AGXT2: variants seen among roughly 807,000 people sequenced by gnomAD.
The protein encoded by AGXT2 is alanine--glyoxylate aminotransferase 2.
AGXT2 carries 61 observed loss-of-function variants against 62.5 expected under a neutral mutation model. The ratio of observed to expected loss-of-function variants is 0.98; its 90% confidence interval spans 0.79 to 1.21. The LOEUF is 1.21. Ranked by LOEUF, AGXT2 falls within the 50% of genes most tolerant of loss-of-function variation. The pLI, the probability that AGXT2 is intolerant of heterozygous loss-of-function variation, is 0.00. For synonymous variants in AGXT2, 243 were observed against 218.7 expected (o/e 1.11, Z -0.98); for missense variants, 666 against 641.5 (o/e 1.04, Z -0.41).
Position 34,998,814 on chromosome 5 carries a change from C to T in AGXT2, c.1450G>A (p.Ala484Thr), listed in dbSNP as rs1357006279. The stretch of plus-strand genomic sequence containing the variant: ...GGTTTAGTGATGCACATTGAGGGCG[C>T]AATGCGAAATGTCTGAGGAGACACC... ...GSIFSQTFRI[A>T]PSMCITKPEV... The change falls in exon 14 of 14, where the codon GCG becomes ACG. Residue 484 changes from alanine (A) to threonine (T), a missense_variant. Ala to Thr is a moderately conservative substitution (Grantham distance 58, BLOSUM62 0). Coordinates refer to ENST00000231420, the MANE Select transcript of AGXT2 (RefSeq NM_031900.4). The T allele has an allele frequency of 6.2e-7, 1 of 1,613,186 alleles. No individual in the cohort carries two copies. Among genetic ancestry groups the T allele is most frequent in the Non-Finnish European group, 8.5e-7 (1 of 1,179,594 alleles).
intron 13 of AGXT2, among the ~76,000 whole-genome samples, chr5:35,002,382 A>C (rs1766260403): frequency 6.6e-6 from 1 of 152,202 alleles, no homozygotes; most frequent in Admixed American, 6.5e-5. Context: ...GCTTGGAGAA[A>C]CAAGCACACA....
chr5:35,039,401 C>T lies in AGXT2; in HGVS notation c.285G>A (p.Trp95Ter), dbSNP rs758171976. Residue 95 changes from tryptophan (W) to a stop codon, truncating the protein, a stop_gained, in exon 3 of 14, where the codon TGG becomes TGA. Coordinates refer to ENST00000231420, the MANE Select transcript of AGXT2 (RefSeq NM_031900.4). LOFTEE classifies it high-confidence loss of function. ...ATCTGCTTCCTTCAGCATCAAAGAG[C>T]CACTCCATGTGCCCCTGGTGGAGCA... ...PLLLHQGHME[W>*]LFDAEGSRYL... 4 of 1,614,158 alleles carry T rather than the reference C, an allele frequency of 2.5e-6. No individual in the cohort carries two copies. Among genetic ancestry groups the T allele is most frequent in the African/African-American group, 1.3e-5 (1 of 75,058 alleles).
At chr5:35,030,305 C>T (rs1767513154) in intron 7 of AGXT2, among the ~76,000 whole-genome samples, 1 of 152,112 alleles carries the variant, frequency 6.6e-6, no homozygotes, top group South Asian at 2.1e-4. Flanking sequence ...GTCAGGAGTT[C>T]GAGACCAGCC....
At chr5:35,036,122 G>A (rs1767761948) in intron 4 of AGXT2, among the ~76,000 whole-genome samples, 1 of 151,746 alleles carries the variant, frequency 6.6e-6, no homozygotes, top group Non-Finnish European at 1.5e-5. Flanking sequence ...AGCTCAGCCT[G>A]GACAAAAGAA....
rs530754667 is a variant in AGXT2 at position 35,009,421 on chromosome 5, C to T, written c.1338+579G>A. ...GACCAGCCTGGGCAATATGGCAAAA[C>T]CCCATTTCTACTAAAAATACAAAAA... On this transcript the variant is annotated intron_variant, in intron 12 of 13. Transcript: ENST00000231420. 5.3e-5 allele frequency among the ~76,000 whole-genome samples: 8 copies of T among 152,156 alleles called. No homozygotes were observed. In the East Asian group the frequency reaches 1.5e-3, roughly 29 times the overall value.
rs1255749919 is a variant in AGXT2 at position 35,045,764 on chromosome 5, C to CTT, written c.88+2039_88+2040dup. ...TGTGGTTTTTTTCTTTTTCTTTTTTCTTTTTTTTTTTTTTTTTTTTTGAGA... is the reference window on the plus strand; with the variant it reads ...TGTGGTTTTTTTCTTTTTCTTTTTTCTTTTTTTTTTTTTTTTTTTTTTTGAGA... On this transcript the variant is annotated intron_variant, in intron 1 of 13. Coordinates refer to ENST00000231420, the MANE Select transcript of AGXT2 (RefSeq NM_031900.4). 6.8e-3 allele frequency among the ~76,000 whole-genome samples: 677 copies of CTT among 99,016 alleles called. 19 individuals carry two copies. The highest frequency in any genetic ancestry group is 0.016 in the African/African-American group (435 of 27,254). The allele number at this position is 99,016 out of a possible 152,430, so 65.0% of individuals were successfully genotyped here.
chr5:35,038,745 T>C (rs1767873418), intron 3 of AGXT2, among the ~76,000 whole-genome samples: 1 of 152,198 alleles, frequency 6.6e-6, no homozygotes, highest in Non-Finnish European at 1.5e-5. Context: ...ATGAGAGCAC[T>C]GCATGGAAAC....
intron 7 of AGXT2, among the ~76,000 whole-genome samples, chr5:35,032,237 C>G (rs142260628): frequency 2.6e-5 from 4 of 151,954 alleles, no homozygotes; most frequent in African/African-American, 9.7e-5. Flanking sequence ...TAGCTGTCAG[C>G]CACCATGCCC....
intron 7 of AGXT2, among the ~76,000 whole-genome samples, chr5:35,031,943 CTTTTTT>C (rs35937337): frequency 2.8e-5 from 3 of 108,472 alleles, no homozygotes; most frequent in African/African-American, 1.1e-4. Flanking sequence ...TGGGATCTTG[CTTTTTT>C]TTTTTTTTTT....
chr5:35,023,291 G>C (rs1251652661), intron 9 of AGXT2, among the ~76,000 whole-genome samples: 2 of 152,068 alleles, frequency 1.3e-5, no homozygotes, highest in Non-Finnish European at 2.9e-5. Flanking sequence ...AGCAGCAACA[G>C]GGCATACTAT....
rs185566514 is a variant in AGXT2, at chr5:35,032,395, G to A, written c.769+337C>T. ...GGCATGCCACCACGCCCAGCTTGTTGTCTTTTAAAATTGACACCAGAGCTA... is the reference window on the plus strand; with the variant it reads ...GGCATGCCACCACGCCCAGCTTGTTATCTTTTAAAATTGACACCAGAGCTA... On this transcript the variant is annotated intron_variant, in intron 7 of 13. Transcript: ENST00000231420. Among the ~76,000 whole-genome samples the A allele has an allele frequency of 1.3e-4, 20 of 152,282 alleles. No homozygotes were observed. The East Asian group carries it at 3.5e-3, about 26-fold the overall frequency.
At chr5:35,025,390 A>G (rs1767294850) in intron 9 of AGXT2, among the ~76,000 whole-genome samples, 3 of 152,204 alleles carry the variant, frequency 2.0e-5, no homozygotes, top group African/African-American at 7.2e-5. Flanking sequence ...ATAACCAAAC[A>G]AATAAAAACA....
intron 2 of AGXT2, among the ~76,000 whole-genome samples, 198 bp from the exon 3 acceptor site, chr5:35,039,706 T>C (rs1258450296): frequency 6.6e-6 from 1 of 152,232 alleles, no homozygotes; most frequent in Non-Finnish European, 1.5e-5. Context: ...GAATTATTAT[T>C]TGTAGCCTTT....
At position 35,015,326 on chromosome 5, in the gene AGXT2, G is replaced by A. The variant is rs540205098; in HGVS notation, c.964-1207C>T. 3.3e-5 allele frequency among the ~76,000 whole-genome samples: 5 copies of A among 152,310 alleles called. No homozygotes were observed. The East Asian group carries it at 9.7e-4, about 29-fold the overall frequency. On this transcript the variant is annotated intron_variant, in intron 9 of 13. Coordinates refer to ENST00000231420, the MANE Select transcript of AGXT2 (RefSeq NM_031900.4). ...CAAAGTAGACACTTAGTAAGCACTT[G>A]TGGAATGAATGACAGGGTGGCAGAA...
chr5:35,005,274 G>C (rs960660143), intron 12 of AGXT2, among the ~76,000 whole-genome samples: 5 of 152,104 alleles, frequency 3.3e-5, no homozygotes, highest in African/African-American at 1.2e-4. Flanking sequence ...TGTTGCCCAG[G>C]CTGCAGTGCA....
At chr5:35,033,608 G>A in intron 5 of AGXT2, 55 bp from the exon 6 acceptor site, 1 of 1,381,378 alleles carries the variant, frequency 7.2e-7, no homozygotes, top group Non-Finnish European at 1.0e-6. Flanking sequence ...CACTGAGTAG[G>A]ACAAAAGAGA....
Position 35,037,038 on chromosome 5 carries a change from C to A in AGXT2, c.390G>T (p.Gln130His). ...HPKVNAVAQKQLGRLWHTSTV... is the reference protein window; with the variant it reads ...HPKVNAVAQKHLGRLWHTSTV... ...TGCTTGTATGCCACAGGCGGCCGAG[C>A]TGCTTTTGTGCCACTGCATTCACCT... Residue 130 changes from glutamine to histidine, a missense_variant, in exon 4 of 14, where the codon CAG becomes CAT. Gln to His is a conservative substitution (Grantham distance 24). Transcript: ENST00000231420. The A allele has an allele frequency of 6.2e-7, 1 of 1,614,186 alleles. No homozygotes were observed. Among genetic ancestry groups the A allele is most frequent in the Non-Finnish European group, 8.5e-7 (1 of 1,180,022 alleles).
intron 5 of AGXT2, among the ~76,000 whole-genome samples, chr5:35,034,571 G>A (rs1365404797): frequency 6.6e-6 from 1 of 152,130 alleles, no homozygotes; most frequent in Non-Finnish European, 1.5e-5. Context: ...CTTTACAGGA[G>A]TCTGTTTAAA....
chr5:35,025,758 C>G lies in AGXT2; in HGVS notation c.963+5G>C, dbSNP rs375867456. 6.2e-7 allele frequency: 1 copy of G among 1,613,938 alleles called. No individual in the cohort carries two copies. Among genetic ancestry groups the G allele is most frequent in the African/African-American group, 1.3e-5 (1 of 74,920 alleles). On this transcript the variant is annotated splice_donor_5th_base_variant and intron_variant, in intron 9 of 13. Transcript: ENST00000231420. ...CACTCAATGGCACCCTTACATGCCACTTACTTCATCTGCAATGCACACGCC... is the reference window on the plus strand; with the variant it reads ...CACTCAATGGCACCCTTACATGCCAGTTACTTCATCTGCAATGCACACGCC...
Sources: gnomAD v4.1 joint callset for allele counts (sites outside exome capture counted in the v4.1 genomes callset) on GRCh38, gnomAD v4.1.1 for gene constraint, MANE v1.5 for transcripts, NCBI Gene and HGNC (gene_info 2026-07-23, HGNC 2026-07-21) for gene names.